Variants in GRIK2 observed in about 807,000 individuals in gnomAD.
GRIK2 encodes glutamate receptor ionotropic, kainate 2.
A neutral mutation model predicts 100.3 loss-of-function variants in GRIK2; 32 were observed. The ratio of observed to expected loss-of-function variants is 0.32; its 90% CI spans 0.24 to 0.43. The LOEUF is 0.43. Among genes scored for constraint, GRIK2 ranks in the 20% least tolerant of loss-of-function variants. GRIK2 has a pLI of 1.00. For synonymous variants in GRIK2, 417 were observed against 389.4 expected (o/e 1.07, Z -0.83); for missense variants, 843 against 1,114.9 (o/e 0.76, Z 3.47).
chr6:101,819,093 C>T (rs563297861), intron 10 of GRIK2, among the ~76,000 whole-genome samples: 1 of 152,110 alleles, frequency 6.6e-6, no homozygotes, highest in African/African-American at 2.4e-5. Context: ...TTATTTATAT[C>T]TTTTAATTAG....
At chr6:101,468,342 T>A (rs1433138114) in intron 2 of GRIK2, among the ~76,000 whole-genome samples, 1 of 152,200 alleles carries the variant, frequency 6.6e-6, no homozygotes, top group Admixed American at 6.5e-5. Context: ...TATCTTCACA[T>A]GAAAACATTC....
At chr6:102,037,770 T>G (rs1333282298) in intron 15 of GRIK2, among the ~76,000 whole-genome samples, 2 of 151,298 alleles carry the variant, frequency 1.3e-5, no homozygotes, top group Non-Finnish European at 3.0e-5. Flanking sequence ...GTGATGGGAG[T>G]GCTCAAATCT....
intron 2 of GRIK2, among the ~76,000 whole-genome samples, chr6:101,410,031 T>C (rs1582386606): frequency 6.6e-6 from 1 of 151,834 alleles, no homozygotes; most frequent in Non-Finnish European, 1.5e-5. Flanking sequence ...GAAGAGTAAG[T>C]CTGTAGTTTC....
intron 4 of GRIK2, among the ~76,000 whole-genome samples, chr6:101,632,239 A>G (rs1780783198): frequency 6.6e-6 from 1 of 152,060 alleles, no homozygotes; most frequent in Non-Finnish European, 1.5e-5. Context: ...AACACCCATG[A>G]CCATCCCCAC....
At chr6:102,064,165 T>G in intron 16 of GRIK2, 1 of 586,652 alleles carries the variant, frequency 1.7e-6, no homozygotes. Flanking sequence ...ACACAGTGCG[T>G]GGGTTTCCAC....
chr6:101,853,400 C>A (rs1297734370), intron 10 of GRIK2, among the ~76,000 whole-genome samples: 1 of 152,080 alleles, frequency 6.6e-6, no homozygotes, highest in African/African-American at 2.4e-5. Context: ...CACCGTATAC[C>A]CTCAAGAATG....
intron 7 of GRIK2, among the ~76,000 whole-genome samples, chr6:101,718,272 G>T (rs912542491): frequency 6.6e-6 from 1 of 151,798 alleles, no homozygotes; most frequent in South Asian, 2.1e-4. Flanking sequence ...ACACATTGGA[G>T]AAGGGAGAAT....
At chr6:101,528,711 A>G (rs1474707817) in intron 2 of GRIK2, among the ~76,000 whole-genome samples, 3 of 152,138 alleles carry the variant, frequency 2.0e-5, no homozygotes, top group African/African-American at 7.2e-5. Flanking sequence ...CACATAAAAC[A>G]ATAAGGTTTA....
intron 2 of GRIK2, among the ~76,000 whole-genome samples, chr6:101,473,685 C>A (rs1772071856): frequency 6.6e-6 from 1 of 151,796 alleles, no homozygotes; most frequent in African/African-American, 2.4e-5. Context: ...GGTTTTGCTG[C>A]CAGTTATGGG....
At chr6:101,684,782 A>G (rs2128343239) in intron 6 of GRIK2, among the ~76,000 whole-genome samples, 1 of 149,104 alleles carries the variant, frequency 6.7e-6, no homozygotes, top group East Asian at 2.0e-4. Flanking sequence ...AAATTATTGG[A>G]CAAAGGGAGG....
intron 2 of GRIK2, among the ~76,000 whole-genome samples, chr6:101,484,355 G>A (rs1305626654): frequency 6.6e-6 from 1 of 152,074 alleles, no homozygotes; most frequent in Non-Finnish European, 1.5e-5. Context: ...TTGAATATTT[G>A]CCCCAAGACC....
chr6:102,024,418 A>C (rs1769585154), intron 14 of GRIK2, among the ~76,000 whole-genome samples: 2 of 151,364 alleles, frequency 1.3e-5, no homozygotes, highest in South Asian at 4.1e-4. Flanking sequence ...AATCAGGGCA[A>C]GTCTCCCTTT....
At chr6:102,014,218 C>T (rs1037505850) in intron 14 of GRIK2, among the ~76,000 whole-genome samples, 1 of 82,494 alleles carries the variant, frequency 1.2e-5, no homozygotes, top group African/African-American at 3.5e-5. Flanking sequence ...TAGATTTTCA[C>T]ATGTGTGTGC....
intron 2 of GRIK2, among the ~76,000 whole-genome samples, chr6:101,610,418 T>A (rs892691993): frequency 4.6e-5 from 7 of 151,830 alleles, no homozygotes; most frequent in African/African-American, 1.7e-4. Flanking sequence ...AAACTCATGA[T>A]ATCTAAATCA....
intron 14 of GRIK2, among the ~76,000 whole-genome samples, chr6:101,940,285 A>C (rs527900485): frequency 1.2e-4 from 19 of 152,220 alleles, no homozygotes; most frequent in African/African-American, 4.1e-4. Flanking sequence ...CAAGTCTTCC[A>C]GGCTTTACTT....
chr6:101,576,083 T>A (rs1319613255), intron 2 of GRIK2, among the ~76,000 whole-genome samples: 1 of 152,090 alleles, frequency 6.6e-6, no homozygotes, highest in Non-Finnish European at 1.5e-5. Flanking sequence ...TTATGATATA[T>A]GATATTATGA....
At chr6:101,804,974 GA>G (rs766532562) in intron 9 of GRIK2, among the ~76,000 whole-genome samples, 14 of 151,942 alleles carry the variant, frequency 9.2e-5, no homozygotes, top group Admixed American at 6.6e-4. Context: ...TCTAGATTCA[GA>G]GATATTTTGG....
intron 10 of GRIK2, among the ~76,000 whole-genome samples, chr6:101,829,159 AC>A (rs1420024651): frequency 2.6e-5 from 4 of 152,096 alleles, no homozygotes; most frequent in African/African-American, 9.6e-5. Flanking sequence ...TAAGAAAAAA[AC>A]ATATGGTCAT....
intron 2 of GRIK2, among the ~76,000 whole-genome samples, chr6:101,460,061 A>G (rs1771220804): frequency 6.6e-6 from 1 of 152,154 alleles, no homozygotes; most frequent in Non-Finnish European, 1.5e-5. Flanking sequence ...CCGGCCGCAC[A>G]TCTGTTGCTC....
Sources: allele counts gnomAD v4.1 joint callset (sites outside exome capture counted in the v4.1 genomes callset), GRCh38; gene constraint gnomAD v4.1.1; transcripts MANE v1.5; gene names NCBI Gene and HGNC (gene_info 2026-07-23, HGNC 2026-07-21).